Variants in BNC2 observed in about 807,000 individuals in gnomAD.
The protein encoded by BNC2 is basonuclin zinc finger protein 2.
In BNC2, 20 loss-of-function variants were observed where a neutral mutation model predicts 76.3. The ratio of observed to expected loss-of-function variants is 0.26; its 90% CI spans 0.18 to 0.38. The LOEUF is 0.38. BNC2 is among the 10% of genes least tolerant of loss of function. BNC2 has a pLI of 1.00. For missense variants in BNC2, 1,382 were observed against 1,399.8 expected (o/e 0.99, Z 0.20); for synonymous variants, 582 against 514.8 (o/e 1.13, Z -1.77).
chr9:16,687,903 A>G (rs1823023656), intron 3 of BNC2, among the ~76,000 whole-genome samples: 1 of 152,198 alleles, frequency 6.6e-6, no homozygotes. Context: ...GAAAACATAA[A>G]GGTCTGTGAG....
chr9:16,492,627 A>T (rs991353319), intron 5 of BNC2, among the ~76,000 whole-genome samples: 1 of 152,132 alleles, frequency 6.6e-6, no homozygotes, highest in Non-Finnish European at 1.5e-5. Context: ...CCACTGAGAA[A>T]TCATATGATG....
chr9:16,532,897 G>C (rs1183432233), intron 5 of BNC2, among the ~76,000 whole-genome samples: 1 of 152,198 alleles, frequency 6.6e-6, no homozygotes, highest in South Asian at 2.1e-4. Flanking sequence ...ATTTTCACCA[G>C]AGAAATCAGC....
chr9:16,701,938 CA>C (rs5896700), intron 3 of BNC2, among the ~76,000 whole-genome samples: 145 of 91,508 alleles, frequency 1.6e-3, no homozygotes, highest in African/African-American at 6.7e-3. Context: ...CGAGACTCTC[CA>C]AAAAAAAAAA....
At position 16,830,426 on chromosome 9, in the gene BNC2, C is replaced by G. The variant is rs887183057; in HGVS notation, c.3+40220G>C. 2.6e-5 allele frequency among the ~76,000 whole-genome samples: 4 copies of G among 152,296 alleles called. No homozygotes were observed. The East Asian group carries it at 5.8e-4, about 22-fold the overall frequency. On this transcript the variant is annotated intron_variant, in intron 1 of 6. Transcript: ENST00000380672. ...CATCCTCTTATACTTGAAATCATCC[C>G]TAGATTACTAATACAATGTAAATGC...
At chr9:16,497,863 TTC>T (rs1445246832) in intron 5 of BNC2, among the ~76,000 whole-genome samples, 1 of 151,864 alleles carries the variant, frequency 6.6e-6, no homozygotes, top group Non-Finnish European at 1.5e-5. Flanking sequence ...CTTTAAGAAA[TTC>T]TCTGTTTTCC....
In BNC2 at chr9:16,419,053, C is replaced by T; in HGVS notation, c.3236G>A (p.Ser1079Asn). 4.3e-6 allele frequency: 7 copies of T among 1,614,188 alleles called. No homozygotes were observed. The highest frequency in any genetic ancestry group is 5.1e-6 in the Non-Finnish European group (6 of 1,180,044). Residue 1079 changes from serine (S) to asparagine (N), a missense_variant, in exon 7 of 7, where the codon AGC becomes AAC. Transcript: ENST00000380672. ...AGGGTTCTGACTGTGCCGATTTCGG[C>T]TTCGTACAGAGGAAAACATCATATT... is the stretch of plus-strand genomic sequence containing the variant. ...GCNMMFSSVR[S>N]RNRHSQNPNL...
chr9:16,502,691 AC>A (rs1822546310), intron 5 of BNC2, among the ~76,000 whole-genome samples: 1 of 152,198 alleles, frequency 6.6e-6, no homozygotes, highest in South Asian at 2.1e-4. Flanking sequence ...GGAAAGCTAT[AC>A]AAAGTCATAG....
intron 4 of BNC2, among the ~76,000 whole-genome samples, chr9:16,576,657 G>A (rs1819493875): frequency 1.3e-5 from 2 of 152,204 alleles, no homozygotes; most frequent in Non-Finnish European, 2.9e-5. Flanking sequence ...AAACTACCAT[G>A]CCTCCAACGA....
At chr9:16,813,399 G>C (rs1029023575) in intron 1 of BNC2, among the ~76,000 whole-genome samples, 1 of 151,410 alleles carries the variant, frequency 6.6e-6, no homozygotes, top group Admixed American at 6.6e-5. Context: ...CCGAGTAGCT[G>C]GGACTACAGG....
At chr9:16,786,850 A>G (rs991691586) in intron 1 of BNC2, among the ~76,000 whole-genome samples, 1 of 152,120 alleles carries the variant, frequency 6.6e-6, no homozygotes, top group Non-Finnish European at 1.5e-5. Context: ...CAACAGTCTA[A>G]TTCCCTTCCC....
intron 1 of BNC2, among the ~76,000 whole-genome samples, chr9:16,809,878 T>C (rs1407905002): frequency 6.6e-6 from 1 of 152,222 alleles, no homozygotes; most frequent in Non-Finnish European, 1.5e-5. Flanking sequence ...AAAATTTGAA[T>C]GGCTGAATAA....
intron 1 of BNC2, among the ~76,000 whole-genome samples, chr9:16,750,023 G>C (rs1453603756): frequency 6.6e-6 from 1 of 152,170 alleles, no homozygotes; most frequent in Non-Finnish European, 1.5e-5. Context: ...ATTTACACTT[G>C]AAACTATAGT....
At chr9:16,617,882 T>C (rs2133540607) in intron 3 of BNC2, among the ~76,000 whole-genome samples, 1 of 152,286 alleles carries the variant, frequency 6.6e-6, no homozygotes, top group Middle Eastern at 3.4e-3. Context: ...CTGTCCAGTA[T>C]CACAGAGACA....
At chr9:16,420,359 CTT>C (rs1467517110) in intron 6 of BNC2, among the ~76,000 whole-genome samples, 2 of 152,122 alleles carry the variant, frequency 1.3e-5, no homozygotes, top group Non-Finnish European at 2.9e-5. Context: ...AATACATTTA[CTT>C]TTTAGAAGTA....
intron 1 of BNC2, among the ~76,000 whole-genome samples, chr9:16,857,795 A>T (rs938591631): frequency 6.6e-6 from 1 of 152,252 alleles, no homozygotes; most frequent in Non-Finnish European, 1.5e-5. Context: ...TAGAAAAGCA[A>T]TTACTTAGAT....
At chr9:16,770,255 C>T in intron 1 of BNC2, among the ~76,000 whole-genome samples, 1 of 152,138 alleles carries the variant, frequency 6.6e-6, no homozygotes, top group Admixed American at 6.5e-5. Context: ...AAGATCAGGG[C>T]CAACCCTGTG....
At chr9:16,838,329 C>A (rs541320820) in intron 1 of BNC2, among the ~76,000 whole-genome samples, 7 of 152,200 alleles carry the variant, frequency 4.6e-5, no homozygotes, top group African/African-American at 1.4e-4. Flanking sequence ...CCAAGGCGGG[C>A]GGATCACCTG....
intron 1 of BNC2, among the ~76,000 whole-genome samples, chr9:16,740,856 AG>A (rs375411056): frequency 2.7e-5 from 4 of 150,588 alleles, no homozygotes; most frequent in Non-Finnish European, 5.9e-5. Context: ...GGGAGAAAAA[AG>A]AAACCCTTTT....
chr9:16,650,975 T>TAAA (rs2133947149), intron 3 of BNC2, among the ~76,000 whole-genome samples: 1 of 152,298 alleles, frequency 6.6e-6, no homozygotes, highest in Admixed American at 6.5e-5. Flanking sequence ...GATAACTCTT[T>TAAA]AAAAACAACC....
Sources: gnomAD v4.1 joint callset for allele counts (sites outside exome capture counted in the v4.1 genomes callset) on GRCh38, gnomAD v4.1.1 for gene constraint, MANE v1.5 for transcripts, NCBI Gene and HGNC (gene_info 2026-07-23, HGNC 2026-07-21) for gene names.